SLC39A12: variants seen among roughly 807,000 people sequenced by gnomAD.
The protein encoded by SLC39A12 is solute carrier family 39 member 12.
In SLC39A12, 63 loss-of-function variants were observed where a neutral mutation model predicts 71.1. That is an observed-to-expected ratio of 0.89 (90% CI 0.72 to 1.09). The LOEUF (loss-of-function observed/expected upper bound fraction) is 1.09, where lower values mean the gene tolerates loss of function less well. Ranked by LOEUF, SLC39A12 falls within the 50% of genes least tolerant of loss-of-function variation. The pLI, the probability that SLC39A12 is intolerant of heterozygous loss-of-function variation, is 0.00. For missense variants in SLC39A12, 892 were observed against 812.6 expected (o/e 1.10, Z -1.19); for synonymous variants, 351 against 301.3 (o/e 1.16, Z -1.71).
At chr10:18,027,826 A>G (rs1174817713) in intron 12 of SLC39A12, among the ~76,000 whole-genome samples, 1 of 152,202 alleles carries the variant, frequency 6.6e-6, no homozygotes, top group African/African-American at 2.4e-5. Flanking sequence ...CCAAATGGTG[A>G]CTTGCACCAT....
intron 2 of SLC39A12, among the ~76,000 whole-genome samples, chr10:17,958,752 C>T (rs970507368): frequency 1.3e-5 from 2 of 152,076 alleles, no homozygotes; most frequent in African/African-American, 4.8e-5. Flanking sequence ...TTTGCAGTAT[C>T]CTTGCATACC....
At chr10:18,028,756 A>G (rs375746164) in intron 12 of SLC39A12, among the ~76,000 whole-genome samples, 4 of 152,112 alleles carry the variant, frequency 2.6e-5, no homozygotes, top group East Asian at 1.9e-4. Context: ...ATCTCACTCT[A>G]TCGCCTAGGC....
chr10:18,041,723 ATATGTG>A (rs1257513930), intron 12 of SLC39A12, among the ~76,000 whole-genome samples: 198 of 132,428 alleles, frequency 1.5e-3, no homozygotes, highest in African/African-American at 5.2e-3. Flanking sequence ...ACATATGTAT[ATATGTG>A]TATATATGTA....
chr10:18,026,942 TC>T, intron 12 of SLC39A12, among the ~76,000 whole-genome samples: 1 of 152,356 alleles, frequency 6.6e-6, no homozygotes, highest in Middle Eastern at 3.4e-3. Context: ...TTTATTAAGT[TC>T]CTTAACATAT....
At chr10:17,980,701 G>C (rs1785921724) in intron 5 of SLC39A12, among the ~76,000 whole-genome samples, 1 of 152,106 alleles carries the variant, frequency 6.6e-6, no homozygotes, top group African/African-American at 2.4e-5. Flanking sequence ...AAGTCAGTAA[G>C]AAATAATGAT....
intron 12 of SLC39A12, among the ~76,000 whole-genome samples, chr10:18,030,540 A>G (rs1836812651): frequency 6.6e-6 from 1 of 151,958 alleles, no homozygotes; most frequent in Non-Finnish European, 1.5e-5. Flanking sequence ...TGCCCGGCCA[A>G]GTCTTTTCAA....
At chr10:18,015,608 G>A (rs1032538656) in intron 12 of SLC39A12, among the ~76,000 whole-genome samples, 4 of 147,522 alleles carry the variant, frequency 2.7e-5, no homozygotes, top group Non-Finnish European at 5.9e-5. Context: ...CTAGTAACTC[G>A]AAATATGCTT....
intron 4 of SLC39A12, among the ~76,000 whole-genome samples, chr10:17,966,943 C>T (rs189095649): frequency 6.6e-6 from 1 of 151,820 alleles, no homozygotes; most frequent in African/African-American, 2.4e-5. Context: ...CACTGCACTC[C>T]ACCTTTCAAG....
Position 18,003,448 on chromosome 10 carries a change from G to A in SLC39A12, c.1947+90G>A, listed in dbSNP as rs190227480. On this transcript the variant is annotated intron_variant, in intron 12 of 12. Coordinates refer to ENST00000377369, the MANE Select transcript of SLC39A12 (RefSeq NM_001145195.2). ...ACAGTAAAAATGGAAGGATAAATGAGTAGAACAGAAGAATTTATAAAACAA... is the reference window on the plus strand; with the variant it reads ...ACAGTAAAAATGGAAGGATAAATGAATAGAACAGAAGAATTTATAAAACAA... 28 of 1,168,572 alleles carry A rather than the reference G, an allele frequency of 2.4e-5. No homozygotes were observed. The Admixed American group carries it at 4.6e-4, about 19-fold the overall frequency. 72.4% of individuals were successfully genotyped at this position (1,168,572 alleles called of 1,614,324 possible).
chr10:18,034,016 T>C (rs1362284872), intron 12 of SLC39A12, among the ~76,000 whole-genome samples: 2 of 146,824 alleles, frequency 1.4e-5, no homozygotes, highest in South Asian at 2.2e-4. Context: ...GTCTGAGAGA[T>C]AGTTTGTTAT....
At chr10:18,014,393 T>G (rs1215608459) in intron 12 of SLC39A12, among the ~76,000 whole-genome samples, 1 of 152,216 alleles carries the variant, frequency 6.6e-6, no homozygotes, top group African/African-American at 2.4e-5. Context: ...CAAATTATTA[T>G]TTAACAGAAA....
intron 4 of SLC39A12, among the ~76,000 whole-genome samples, chr10:17,970,929 G>A (rs572718905): frequency 2.0e-5 from 3 of 151,990 alleles, no homozygotes; most frequent in African/African-American, 7.2e-5. Context: ...TATGATACTA[G>A]CTCTGAGTCT....
At chr10:17,995,835 T>G in intron 10 of SLC39A12, 113 bp downstream of exon 10, 1 of 870,684 alleles carries the variant, frequency 1.1e-6, no homozygotes, top group Non-Finnish European at 1.7e-6. Context: ...TGTAGTTTAT[T>G]ATGAAAAACT....
At chr10:17,975,024 C>T (rs1192406475) in intron 4 of SLC39A12, among the ~76,000 whole-genome samples, 1 of 152,188 alleles carries the variant, frequency 6.6e-6, no homozygotes, top group African/African-American at 2.4e-5. Context: ...GGCAGAGGAG[C>T]CTTACTCTGT....
chr10:17,986,310 G>A (rs565055677), intron 6 of SLC39A12, among the ~76,000 whole-genome samples: 13 of 152,240 alleles, frequency 8.5e-5, no homozygotes, highest in Admixed American at 4.6e-4. Context: ...AAAACAACAC[G>A]GTTATTTGAA....
At chr10:17,995,998 CAT>C (rs780644330) in intron 10 of SLC39A12, among the ~76,000 whole-genome samples, 2 of 152,180 alleles carry the variant, frequency 1.3e-5, no homozygotes, top group African/African-American at 2.4e-5. Flanking sequence ...AATGTAAACA[CAT>C]GTGTGTTTAT....
At chr10:17,958,694 T>C (rs1834610975) in intron 2 of SLC39A12, among the ~76,000 whole-genome samples, 4 of 152,228 alleles carry the variant, frequency 2.6e-5, no homozygotes. Context: ...TTTTCACACA[T>C]TCTATGAGTA....
At chr10:17,996,461 G>A (rs1466282281) in intron 10 of SLC39A12, among the ~76,000 whole-genome samples, 1 of 152,130 alleles carries the variant, frequency 6.6e-6, no homozygotes, top group Non-Finnish European at 1.5e-5. Context: ...TATGCATCAT[G>A]ATTAGTTATT....
At chr10:17,986,087 C>T (rs1178973290) in intron 6 of SLC39A12, among the ~76,000 whole-genome samples, 1 of 152,156 alleles carries the variant, frequency 6.6e-6, no homozygotes, top group Admixed American at 6.5e-5. Flanking sequence ...AAACATAGGT[C>T]TACAATACTG....
Sources: allele counts gnomAD v4.1 joint callset (sites outside exome capture counted in the v4.1 genomes callset), GRCh38; gene constraint gnomAD v4.1.1; transcripts MANE v1.5; gene names NCBI Gene and HGNC (gene_info 2026-07-23, HGNC 2026-07-21).